CTNNA3: variants seen among roughly 807,000 people sequenced by gnomAD.
CTNNA3 encodes catenin alpha-3.
Under a neutral mutation model 95.7 loss-of-function variants are expected in CTNNA3, and 76 were observed. The ratio of observed to expected loss-of-function variants is 0.79; its 90% CI spans 0.66 to 0.96. CTNNA3 has a LOEUF of 0.96. CTNNA3 is among the 40% of genes least tolerant of loss of function. The probability of loss-of-function intolerance (pLI) is 0.00; values close to 1 mark genes in which losing one functional copy is unlikely to be tolerated. For synonymous variants in CTNNA3, 431 were observed against 374.4 expected (o/e 1.15, Z -1.74); for missense variants, 1,191 against 1,089.8 (o/e 1.09, Z -1.31).
intron 7 of CTNNA3, among the ~76,000 whole-genome samples, chr10:66,925,704 G>A (rs989377202): frequency 6.6e-6 from 1 of 152,172 alleles, no homozygotes; most frequent in Admixed American, 6.5e-5. Flanking sequence ...TAAAGCCTGC[G>A]TTGAGGTTAA....
intron 5 of CTNNA3, chr10:67,403,265 A>G (rs1050780914): frequency 2.6e-5 from 4 of 152,206 alleles, no homozygotes; most frequent in Admixed American, 2.6e-4. Context: ...ACCTCCAGCC[A>G]CCCCTGCCCA....
At chr10:66,115,499 T>A (rs1342138250) in intron 13 of CTNNA3, among the ~76,000 whole-genome samples, 3 of 151,194 alleles carry the variant, frequency 2.0e-5, no homozygotes, top group Non-Finnish European at 4.4e-5. Context: ...GACTTCCCAA[T>A]GGGGAATATA....
chr10:66,591,098 G>A (rs1415731853), intron 10 of CTNNA3, among the ~76,000 whole-genome samples: 2 of 152,122 alleles, frequency 1.3e-5, no homozygotes, highest in Admixed American at 6.5e-5. Context: ...TTCTATTGAA[G>A]CGGGAAAGAA....
chr10:66,299,270 G>GA (rs1430647702), intron 12 of CTNNA3, among the ~76,000 whole-genome samples: 1 of 152,104 alleles, frequency 6.6e-6, no homozygotes, highest in Admixed American at 6.5e-5. Context: ...GTGGGTCCTC[G>GA]ACCTTGGCAA....
At chr10:66,918,415 T>G (rs982380270) in intron 7 of CTNNA3, among the ~76,000 whole-genome samples, 1 of 152,204 alleles carries the variant, frequency 6.6e-6, no homozygotes, top group Non-Finnish European at 1.5e-5. Context: ...CAAAAGTTCT[T>G]CAAATCTTAA....
intron 15 of CTNNA3, among the ~76,000 whole-genome samples, chr10:66,023,890 G>A (rs2079276526): frequency 2.0e-5 from 3 of 152,036 alleles, no homozygotes; most frequent in East Asian, 1.9e-4. Flanking sequence ...TTTATATAAC[G>A]GAGAAAAATT....
At chr10:66,691,931 G>T (rs1032033479) in intron 9 of CTNNA3, among the ~76,000 whole-genome samples, 1 of 143,442 alleles carries the variant, frequency 7.0e-6, no homozygotes, top group Non-Finnish European at 1.5e-5. Flanking sequence ...CTAACAAACA[G>T]AAAGGACATC....
intron 17 of CTNNA3, among the ~76,000 whole-genome samples, chr10:65,953,651 T>C (rs1219795302): frequency 6.6e-6 from 1 of 152,116 alleles, no homozygotes; most frequent in Non-Finnish European, 1.5e-5. Context: ...TTTTCTGTCC[T>C]TGTGTTAGTT....
chr10:66,839,058 A>G (rs1205839310), intron 7 of CTNNA3, among the ~76,000 whole-genome samples: 1 of 152,204 alleles, frequency 6.6e-6, no homozygotes, highest in Non-Finnish European at 1.5e-5. Context: ...AATCAAGAGT[A>G]AGTTCTGAAA....
chr10:66,055,299 G>T (rs1167462229), intron 15 of CTNNA3, among the ~76,000 whole-genome samples: 2 of 152,138 alleles, frequency 1.3e-5, no homozygotes, highest in South Asian at 2.1e-4. Context: ...GGAATTTGTA[G>T]ACTGCTTTGG....
rs575853895 is a variant in CTNNA3, at chr10:67,466,818, A to T, written c.579+55024T>A. On this transcript the variant is annotated intron_variant, in intron 5 of 17. Transcript: ENST00000433211. ...TGTACCACTTTCCCACTGATTCTTCATCATAACTTAATACCAGACTCTAAC... is the reference window on the plus strand; with the variant it reads ...TGTACCACTTTCCCACTGATTCTTCTTCATAACTTAATACCAGACTCTAAC... Among the ~76,000 whole-genome samples, 45 of 152,326 alleles carry T rather than the reference A, an allele frequency of 3.0e-4. 1 individual carries two copies. In the South Asian group the frequency reaches 9.3e-3, roughly 32 times the overall value.
At chr10:67,381,584 C>G (rs1215201826) in intron 5 of CTNNA3, among the ~76,000 whole-genome samples, 2 of 152,140 alleles carry the variant, frequency 1.3e-5, no homozygotes, top group Non-Finnish European at 2.9e-5. Flanking sequence ...GTACCACCCT[C>G]TCCTCATACC....
At chr10:66,690,532 G>T (rs7910177) in intron 9 of CTNNA3, among the ~76,000 whole-genome samples, 55,905 of 148,582 alleles carry the variant, frequency 0.38, 10,930 homozygotes, top group Non-Finnish European at 0.41. Context: ...GTGTCCACGT[G>T]TTCTCATCGT....
chr10:66,195,628 C>A (rs1161162052), intron 13 of CTNNA3, among the ~76,000 whole-genome samples: 1 of 152,102 alleles, frequency 6.6e-6, no homozygotes, highest in Non-Finnish European at 1.5e-5. Flanking sequence ...CAAACTTGGG[C>A]AAGTCTTTGA....
intron 10 of CTNNA3, among the ~76,000 whole-genome samples, chr10:66,564,275 T>C (rs1842640458): frequency 6.6e-6 from 1 of 152,158 alleles, no homozygotes; most frequent in Admixed American, 6.5e-5. Context: ...TCCTTATTGC[T>C]GTGCCTGTGA....
chr10:66,610,580 A>G (rs1216010166), intron 10 of CTNNA3, among the ~76,000 whole-genome samples: 1 of 152,180 alleles, frequency 6.6e-6, no homozygotes, highest in African/African-American at 2.4e-5. Flanking sequence ...CCCCAATGAG[A>G]TACAATCTCA....
intron 15 of CTNNA3, among the ~76,000 whole-genome samples, chr10:65,995,245 C>A (rs1294740335): frequency 6.6e-6 from 1 of 151,210 alleles, no homozygotes; most frequent in Non-Finnish European, 1.5e-5. Context: ...TTCTTTTTTC[C>A]TTTCATTGAT....
At chr10:66,723,267 T>G (rs1848683761) in intron 9 of CTNNA3, among the ~76,000 whole-genome samples, 2 of 152,216 alleles carry the variant, frequency 1.3e-5, no homozygotes, top group Admixed American at 6.5e-5. Flanking sequence ...TGTTTTCTCA[T>G]TTTTATCTTT....
chr10:66,924,217 A>G (rs1008409238), intron 7 of CTNNA3, among the ~76,000 whole-genome samples: 4 of 152,188 alleles, frequency 2.6e-5, no homozygotes, highest in Non-Finnish European at 5.9e-5. Flanking sequence ...GGGGGAAAGC[A>G]CTGCCCTATT....
Sources: gnomAD v4.1 joint callset for allele counts (sites outside exome capture counted in the v4.1 genomes callset) on GRCh38, gnomAD v4.1.1 for gene constraint, MANE v1.5 for transcripts, NCBI Gene and HGNC (gene_info 2026-07-23, HGNC 2026-07-21) for gene names.